TEF: variants seen among roughly 807,000 people sequenced by gnomAD.
TEF encodes the protein TEF transcription factor, PAR bZIP family member.
TEF carries 3 observed loss-of-function variants against 20.8 expected under a neutral mutation model. The ratio of observed to expected loss-of-function variants is 0.14; its 90% CI spans 0.07 to 0.37. The LOEUF is 0.37. Ranked by LOEUF, TEF falls within the 10% of genes least tolerant of loss-of-function variation. The pLI is 1.00. For missense variants in TEF, 296 were observed against 397.9 expected (o/e 0.74, Z 2.18); for synonymous variants, 180 against 171.1 (o/e 1.05, Z -0.41).
At chr22:41,388,595 GAA>G (rs1441491231) in intron 2 of TEF, among the ~76,000 whole-genome samples, 7 of 142,824 alleles carry the variant, frequency 4.9e-5, no homozygotes, top group Non-Finnish European at 9.2e-5. Flanking sequence ...AAAAAAAAAA[GAA>G]AGCATTCCCA....
In TEF at chr22:41,398,110, CTT is replaced by C. The variant is rs946129435; in HGVS notation, c.*2153_*2154del. On this transcript the variant is annotated 3_prime_UTR_variant, in exon 4 of 4. Transcript: ENST00000266304. Reference sequence around the variant, plus strand: ...TTGGAAAGAGTGTGGCTGCTGGACTCTTTTCGAAATGCCCCTCTGAGTCAGGA... The same window carrying C: ...TTGGAAAGAGTGTGGCTGCTGGACTCTTCGAAATGCCCCTCTGAGTCAGGA... The C allele has an allele frequency of 1.3e-5, 2 of 151,308 alleles. No individual in the cohort carries two copies. Among genetic ancestry groups the C allele is most frequent in the Non-Finnish European group, 3.0e-5 (2 of 67,728 alleles). The allele number at this position is 151,308 out of a possible 1,614,324, so 9.4% of individuals were successfully genotyped here. A position where few individuals can be genotyped will look rare whatever the true frequency, so the allele number is the denominator to read the frequency against.
intron 1 of TEF, 76 bp downstream of exon 1, chr22:41,382,277 G>C (rs896226602): frequency 9.7e-6 from 11 of 1,132,008 alleles, no homozygotes; most frequent in Non-Finnish European, 1.2e-5. Flanking sequence ...GGGCGGGGCC[G>C]GGGAGGCAGT....
chr22:41,398,862 C>T lies in TEF; in HGVS notation c.*2902C>T, dbSNP rs926153282. On this transcript the variant is annotated 3_prime_UTR_variant, in exon 4 of 4. Coordinates refer to ENST00000266304, the MANE Select transcript of TEF (RefSeq NM_003216.4). Reference sequence around the variant, plus strand: ...AGCCCTCTACCTGGGCCCCGGGAGCCGTGCTCCTTGGAACGCAAAGGGCCG... The same window carrying T: ...AGCCCTCTACCTGGGCCCCGGGAGCTGTGCTCCTTGGAACGCAAAGGGCCG... 15 of 152,646 alleles carry T rather than the reference C, an allele frequency of 9.8e-5. No homozygotes were observed. Among genetic ancestry groups the T allele is most frequent in the African/African-American group, 4.8e-5 (2 of 41,446 alleles). The allele number at this position is 152,646 out of a possible 1,614,324, so 9.5% of individuals were successfully genotyped here.
At chr22:41,382,255 G>T (rs1433778855) in intron 1 of TEF, 54 bp downstream of exon 1, 3 of 1,169,706 alleles carry the variant, frequency 2.6e-6, no homozygotes, top group Middle Eastern at 3.3e-4. Flanking sequence ...ATACAGGGGC[G>T]GGGCCTCGTG....
chr22:41,396,232 G>A lies in TEF; in HGVS notation c.*272G>A. 2.4e-6 allele frequency: 1 copy of A among 422,370 alleles called. No homozygotes were observed. The highest frequency in any genetic ancestry group is 2.0e-5 in the African/African-American group (1 of 50,258). The allele number at this position is 422,370 out of a possible 1,614,324, so 26.2% of individuals were successfully genotyped here. A position where few individuals can be genotyped will look rare whatever the true frequency, so the allele number is the denominator to read the frequency against. On this transcript the variant is annotated 3_prime_UTR_variant, in exon 4 of 4. Transcript: ENST00000266304. ...TTAGTTTCTATTCTTGGATGTCCCA[G>A]TTGAATCAGAAGGGGACCTCTGGAG...
At chr22:41,374,961 ACCCC>A (rs2036922896) in intron 1 of TEF, among the ~76,000 whole-genome samples, 1 of 151,984 alleles carries the variant, frequency 6.6e-6, no homozygotes, top group African/African-American at 2.4e-5. Context: ...TGCAGTCCAA[ACCCC>A]TGTTGTTCAA....
upstream of TEF, among the ~76,000 whole-genome samples, chr22:41,378,455 C>T (rs375579690): frequency 6.6e-6 from 1 of 151,448 alleles, no homozygotes; most frequent in African/African-American, 2.4e-5. Context: ...ACGCCATTCT[C>T]CTGCTTCAAC....
At chr22:41,376,986 G>A (rs1258190303), upstream of TEF, among the ~76,000 whole-genome samples, 6 of 152,168 alleles carry the variant, frequency 3.9e-5, no homozygotes. Flanking sequence ...AGAAACCAGT[G>A]TGGTCTTGTT....
At chr22:41,368,500 C>T (rs1190631193) in intron 1 of TEF, among the ~76,000 whole-genome samples, 1 of 152,152 alleles carries the variant, frequency 6.6e-6, no homozygotes, top group African/African-American at 2.4e-5. Context: ...CTCCTTCCTT[C>T]CACAGGACGC....
At chr22:41,372,797 C>T (rs2036898376) in intron 1 of TEF, among the ~76,000 whole-genome samples, 1 of 151,966 alleles carries the variant, frequency 6.6e-6, no homozygotes. Context: ...ACCAGCCTCT[C>T]CCAGGGAGAG....
intron 2 of TEF, 31 bp from the exon 3 acceptor site, chr22:41,394,065 C>T (rs774116667): frequency 6.2e-7 from 1 of 1,605,348 alleles, no homozygotes; most frequent in South Asian, 1.1e-5. Context: ...CAGTGGGCTG[C>T]TTCGGGACCA....
chr22:41,367,455 A>T, exon 1 of TEF: 1 of 1,435,688 alleles, frequency 7.0e-7, no homozygotes, highest in Non-Finnish European at 9.5e-7. Context: ...CTGCCTCTCC[A>T]GCTGCCTCTG....
intron 2 of TEF, among the ~76,000 whole-genome samples, chr22:41,387,921 G>A (rs1331783001): frequency 1.3e-5 from 2 of 150,300 alleles, no homozygotes; most frequent in African/African-American, 4.9e-5. Context: ...AGTCAGGACA[G>A]GACCTTCCAG....
In TEF at chr22:41,382,148, T is replaced by TC; in HGVS notation, c.109dup (p.Leu37ProfsTer18). ...GGGGAAAGGGGCCTGTCGGGGTCCT[T>TC]CCCCCTGGTCCTGAAGAAGCTGATG... On this transcript the variant is annotated frameshift_variant, in exon 1 of 4. Coordinates refer to ENST00000266304, the MANE Select transcript of TEF (RefSeq NM_003216.4). LOFTEE classifies it high-confidence loss of function. The TC allele has an allele frequency of 8.1e-7, 1 of 1,232,432 alleles. No individual in the cohort carries two copies. The highest frequency in any genetic ancestry group is 4.1e-5 in the Admixed American group (1 of 24,298). 76.3% of individuals were successfully genotyped at this position (1,232,432 alleles called of 1,614,324 possible).
rs1037576061 is a variant in TEF, at chr22:41,398,723, C to T, written c.*2763C>T. 6.6e-6 allele frequency: 1 copy of T among 152,220 alleles called. No individual in the cohort carries two copies. Among genetic ancestry groups the T allele is most frequent in the Non-Finnish European group, 1.5e-5 (1 of 68,060 alleles). The allele number at this position is 152,220 out of a possible 1,614,324, so 9.4% of individuals were successfully genotyped here. A position where few individuals can be genotyped will look rare whatever the true frequency, so the allele number is the denominator to read the frequency against. Reference sequence around the variant, plus strand: ...GGGCACTTAGCAGTGAACCTTAAGTCTGGGTACATGTAACCCTGCTGAGGG... The same window carrying T: ...GGGCACTTAGCAGTGAACCTTAAGTTTGGGTACATGTAACCCTGCTGAGGG... On this transcript the variant is annotated 3_prime_UTR_variant, in exon 4 of 4. Transcript: ENST00000266304.
At chr22:41,383,105 A>G (rs1361396708) in intron 1 of TEF, 1 of 459,944 alleles carries the variant, frequency 2.2e-6, no homozygotes, top group Non-Finnish European at 4.5e-6. Flanking sequence ...TTGCATTTCC[A>G]AGAGCCATCA....
chr22:41,374,766 T>C (rs2036920864), intron 1 of TEF, among the ~76,000 whole-genome samples: 1 of 151,146 alleles, frequency 6.6e-6, no homozygotes, highest in Non-Finnish European at 1.5e-5. Context: ...TAAGTTGAAG[T>C]GGATCATTGT....
chr22:41,370,065 T>C (rs901734418), intron 1 of TEF: 10 of 985,020 alleles, frequency 1.0e-5, no homozygotes, highest in Admixed American at 1.2e-4. Context: ...GCTCTCCCCA[T>C]GCTCTCCGCT....
upstream of TEF, among the ~76,000 whole-genome samples, chr22:41,378,164 CCT>C (rs1491196909): frequency 2.1e-4 from 21 of 100,520 alleles, no homozygotes; most frequent in African/African-American, 6.7e-4. Flanking sequence ...TCCTTAGCTT[CCT>C]TTTTTTTTTT....
Sources: gnomAD v4.1 joint callset for allele counts (sites outside exome capture counted in the v4.1 genomes callset) on GRCh38, gnomAD v4.1.1 for gene constraint, MANE v1.5 for transcripts, NCBI Gene and HGNC (gene_info 2026-07-23, HGNC 2026-07-21) for gene names.